The following VAV1 variants were observed in gnomAD, a reference collection of about 807,000 sequenced individuals.
VAV1 encodes proto-oncogene vav.
In VAV1, 33 loss-of-function variants were observed where a neutral mutation model predicts 128.1. The observed-to-expected ratio is 0.26, with a 90% CI of 0.20 to 0.34. The LOEUF is 0.34. VAV1 is among the 10% of genes least tolerant of loss of function. VAV1 has a pLI of 1.00. For synonymous variants in VAV1, 394 were observed against 409.8 expected, an observed-to-expected ratio of 0.96 and a Z score of 0.47; for missense variants, 715 against 1,093.7, an observed-to-expected ratio of 0.65 and a Z score of 4.88.
intron 1 of VAV1, among the ~76,000 whole-genome samples, chr19:6,785,578 C>T (rs150167531): frequency 0.023 from 3,522 of 151,936 alleles, 148 homozygotes; most frequent in African/African-American, 0.079. Flanking sequence ...GTGATCTGCC[C>T]GCCTCAGCCT....
At chr19:6,795,088 C>T (rs1018771266) in intron 1 of VAV1, among the ~76,000 whole-genome samples, 2 of 152,120 alleles carry the variant, frequency 1.3e-5, no homozygotes, top group Non-Finnish European at 2.9e-5. Flanking sequence ...AAGCCAGAAG[C>T]TGCAAGGCGT....
rs142982570 is a variant in VAV1, at chr19:6,777,808, GT to G, written c.204+4805del. On this transcript the variant is annotated intron_variant, in intron 1 of 26. Transcript: ENST00000602142. This position sits in a 1 kb window ranked among gnomAD's most constrained non-coding sequence, Gnocchi z 4.4. ...CACCCAACTCTCAATTATGAATTTT[GT>G]TTTTTTTAAATGAGACAGAGCCTTG... Among the ~76,000 whole-genome samples the G allele has an allele frequency of 6.6e-6, 1 of 151,834 alleles. No homozygotes were observed. The highest frequency in any genetic ancestry group is 1.5e-5 in the Non-Finnish European group (1 of 67,944).
intron 6 of VAV1, among the ~76,000 whole-genome samples, chr19:6,824,652 C>T (rs1971872113): frequency 6.6e-6 from 1 of 152,084 alleles, no homozygotes; most frequent in East Asian, 1.9e-4. Flanking sequence ...CTGCTTCAGC[C>T]TCCTGAGTAG....
At position 6,856,941 on chromosome 19, in the gene VAV1, G is replaced by A. The variant is rs1254965187; in HGVS notation, c.2485-113G>A. 7.1e-6 allele frequency: 6 copies of A among 850,344 alleles called. No individual in the cohort carries two copies. In the Admixed American group the frequency reaches 1.2e-4, roughly 16 times the overall value. The allele number at this position is 850,344 out of a possible 1,614,324, so 52.7% of individuals were successfully genotyped here. On this transcript the variant is annotated intron_variant, in intron 26 of 26. Transcript: ENST00000602142. ...GGTGATGTGTTTTCTGGGATAGACA[G>A]AAGGAAGAGCAGGTGCAAAGGCCCT...
chr19:6,836,306 A>T (rs1568311858), intron 19 of VAV1, 126 bp from the exon 20 acceptor site: 5 of 1,250,646 alleles, frequency 4.0e-6, no homozygotes, highest in Non-Finnish European at 5.5e-6. Flanking sequence ...CAGTTTCTCC[A>T]CGTCCTTGTC....
intron 1 of VAV1, among the ~76,000 whole-genome samples, chr19:6,818,280 G>C (rs1439985214): frequency 1.3e-5 from 2 of 152,186 alleles, no homozygotes; most frequent in African/African-American, 2.4e-5. Flanking sequence ...CGTTGGCAAG[G>C]AACTTTCTTC....
At chr19:6,785,170 C>T (rs1970859473) in intron 1 of VAV1, among the ~76,000 whole-genome samples, 1 of 152,048 alleles carries the variant, frequency 6.6e-6, no homozygotes, top group South Asian at 2.1e-4. Context: ...CTCTTTCTCT[C>T]TCTCTCTGTC....
chr19:6,842,536 T>C (rs1197059712), intron 21 of VAV1, among the ~76,000 whole-genome samples: 1 of 152,168 alleles, frequency 6.6e-6, no homozygotes, highest in Admixed American at 6.5e-5. Flanking sequence ...AACATTCTTT[T>C]GGCTAGGCGT....
Position 6,826,569 on chromosome 19 carries a change from G to C in VAV1, c.828-43G>C. On this transcript the variant is annotated intron_variant, in intron 8 of 26. Coordinates refer to ENST00000602142, the MANE Select transcript of VAV1 (RefSeq NM_005428.4). This position sits in a 1 kb window ranked among gnomAD's most constrained non-coding sequence, Gnocchi z 4.1. ...CTGACGCCAGCCTCTGCCCGACCTT[G>C]ATGCCAGTCACCTTTACCTGGTGGC... is the stretch of plus-strand genomic sequence containing the variant. The C allele has an allele frequency of 6.7e-7, 1 of 1,484,628 alleles. No individual in the cohort carries two copies. Among genetic ancestry groups the C allele is most frequent in the Non-Finnish European group, 9.2e-7 (1 of 1,088,500 alleles). 92.0% of individuals were successfully genotyped at this position (1,484,628 alleles called of 1,614,324 possible).
In VAV1 at chr19:6,841,952, G is replaced by A. The variant is rs150706231; in HGVS notation, c.1981-1183G>A. Among the ~76,000 whole-genome samples the A allele has an allele frequency of 3.4e-3, 514 of 151,404 alleles. 18 individuals carry two copies. The East Asian group carries it at 0.086, about 25-fold the overall frequency. ...TGAAAGTGAGCACTTTCGGCCGGGC[G>A]CGGTGGTTCACGCCTGTAATCCCAA... On this transcript the variant is annotated intron_variant, in intron 21 of 26. Transcript: ENST00000602142.
chr19:6,821,920 G>GT (rs1971798342), intron 4 of VAV1, 61 bp downstream of exon 4: 1 of 1,604,914 alleles, frequency 6.2e-7, no homozygotes, highest in Admixed American at 1.7e-5. Flanking sequence ...GGTGGAGGGT[G>GT]TGGGGGGACA....
At chr19:6,843,895 T>C (rs1468432198) in intron 22 of VAV1, among the ~76,000 whole-genome samples, 1 of 151,942 alleles carries the variant, frequency 6.6e-6, no homozygotes, top group Non-Finnish European at 1.5e-5. Flanking sequence ...CTGAATTTTA[T>C]AGGCAGGAAG....
rs986324814 is a variant in VAV1 at position 6,857,293 on chromosome 19, T to C, written c.*186T>C. ...ACATGGTTAATTTATAACACCCCGA[T>C]TTCCTCTTGGGTCCCCTCAAGCAGA... On this transcript the variant is annotated 3_prime_UTR_variant, in exon 27 of 27. Coordinates refer to ENST00000602142, the MANE Select transcript of VAV1 (RefSeq NM_005428.4). The C allele has an allele frequency of 2.8e-6, 2 of 702,316 alleles. No individual in the cohort carries two copies. Among genetic ancestry groups the C allele is most frequent in the Non-Finnish European group, 4.6e-6 (2 of 433,540 alleles). The allele number at this position is 702,316 out of a possible 1,614,324, so 43.5% of individuals were successfully genotyped here.
Position 6,821,836 on chromosome 19 carries a change from C to T in VAV1, c.426C>T (p.Tyr142=). The change falls in exon 4 of 27, where the codon TAC becomes TAT. Residue 142 remains tyrosine (Y), a synonymous_variant. Transcript: ENST00000602142. The part of the protein sequence containing the change: ...EEESVGDEDI[Y]SGLSDQIDDT... ...AGAGTGTAGGTGATGAAGACATCTA[C>T]AGTGGCCTGTCCGACCAGATCGAGT... 1 of 1,614,202 alleles carries T rather than the reference C, an allele frequency of 6.2e-7. No individual in the cohort carries two copies. Among genetic ancestry groups the T allele is most frequent in the Non-Finnish European group, 8.5e-7 (1 of 1,180,020 alleles).
chr19:6,820,289 G>A lies in VAV1; in HGVS notation c.205-413G>A, dbSNP rs1306808390. Among the ~76,000 whole-genome samples, 1 of 152,190 alleles carries A rather than the reference G, an allele frequency of 6.6e-6. No homozygotes were observed. Among genetic ancestry groups the A allele is most frequent in the Non-Finnish European group, 1.5e-5 (1 of 68,028 alleles). On this transcript the variant is annotated intron_variant, in intron 1 of 26. Coordinates refer to ENST00000602142, the MANE Select transcript of VAV1 (RefSeq NM_005428.4). This position sits in a 1 kb window ranked among gnomAD's most constrained non-coding sequence, Gnocchi z 4.4. ...CTTGCTTTGTTGCCCAGGCTGGAGT[G>A]CAGTGGTGCCATCATAGCTCACCGC...
chr19:6,817,636 A>G (rs944147833), intron 1 of VAV1, among the ~76,000 whole-genome samples: 1 of 152,164 alleles, frequency 6.6e-6, no homozygotes, highest in Non-Finnish European at 1.5e-5. Context: ...CTAAGGGGAT[A>G]GAAAACGCCG....
chr19:6,801,036 C>T lies in VAV1; in HGVS notation c.205-19666C>T, dbSNP rs540925441. 5.3e-5 allele frequency among the ~76,000 whole-genome samples: 8 copies of T among 152,290 alleles called. No individual in the cohort carries two copies. In the East Asian group the frequency reaches 9.6e-4, roughly 18 times the overall value. On this transcript the variant is annotated intron_variant, in intron 1 of 26. Transcript: ENST00000602142. ...AGGTCCCATAGCTCTCTGTGCTTCC[C>T]GGCACACCCTCTCACCACCCTCATC...
intron 9 of VAV1, among the ~76,000 whole-genome samples, chr19:6,827,290 C>G (rs1362648505): frequency 1.3e-5 from 2 of 151,798 alleles, no homozygotes; most frequent in Non-Finnish European, 2.9e-5. Context: ...TTTTTTGAGA[C>G]AGGGTCTCAT....
intron 1 of VAV1, among the ~76,000 whole-genome samples, chr19:6,775,059 C>A (rs1372999905): frequency 6.6e-6 from 1 of 152,100 alleles, no homozygotes; most frequent in South Asian, 2.1e-4. Context: ...AGCCACCATG[C>A]CCGGCCCTTC....
Sources: gnomAD v4.1 joint callset for allele counts (sites outside exome capture counted in the v4.1 genomes callset) on GRCh38, gnomAD v4.1.1 for gene constraint, Gnocchi (gnomAD v3.1) non-coding constraint, MANE v1.5 for transcripts, NCBI Gene and HGNC (gene_info 2026-07-23, HGNC 2026-07-21) for gene names.